FHOD1: variants seen among roughly 807,000 people sequenced by gnomAD.
FHOD1 encodes formin homology 2 domain containing 1, also known as FH1/FH2 domain-containing protein 1.
A neutral mutation model predicts 111.6 loss-of-function variants in FHOD1; 89 were observed. The observed-to-expected ratio is 0.80, with a 90% CI of 0.67 to 0.95. The LOEUF is 0.95. FHOD1 is among the 40% of genes least tolerant of loss of function. The pLI, the probability that FHOD1 is intolerant of heterozygous loss-of-function variation, is 0.00. For synonymous variants in FHOD1, 618 were observed against 639.0 expected (o/e 0.97, Z 0.50); for missense variants, 1,446 against 1,554.2 (o/e 0.93, Z 1.17).
Position 67,229,662 on chromosome 16 carries a change from T to G in FHOD1, c.3469A>C (p.Ser1157Arg), listed in dbSNP as rs750557765. The G allele has an allele frequency of 6.2e-7, 1 of 1,614,176 alleles. No homozygotes were observed. Among genetic ancestry groups the G allele is most frequent in the Admixed American group, 1.7e-5 (1 of 60,020 alleles). ...CACACCTCCAGGCCAGGACCCTTGC[T>G]TAGTCCCAGTGCCTGCACCAGGTCA... Reference protein sequence around the residue: ...GDDLVQALGLSKGPGLEV With the variant: ...GDDLVQALGLRKGPGLEV Residue 1157 changes from serine (S) to arginine (R), a missense_variant, in exon 22 of 22, where the codon AGC (serine) becomes CGC (arginine). By Grantham distance (110) the Ser-to-Arg change is moderately radical (BLOSUM62 -1). This residue lies in a region of FHOD1 where 1,085 missense variants were observed against 1,108.8 expected (regional missense o/e 0.98). Transcript: ENST00000258201.
At chr16:67,232,011 C>T (rs772608403) in intron 14 of FHOD1, 28 bp downstream of exon 14, 7 of 1,612,844 alleles carry the variant, frequency 4.3e-6, no homozygotes, top group Non-Finnish European at 5.1e-6. Context: ...CAGACCTCCC[C>T]CCAACACCCA....
intron 11 of FHOD1, among the ~76,000 whole-genome samples, chr16:67,236,238 G>T (rs1051412785): frequency 6.6e-6 from 1 of 152,222 alleles, no homozygotes; most frequent in African/African-American, 2.4e-5. Flanking sequence ...AGACTGACGT[G>T]GAGCAGGACA....
At chr16:67,230,872 G>T in intron 17 of FHOD1, 81 bp from the exon 18 acceptor site, 1 of 1,448,094 alleles carries the variant, frequency 6.9e-7, no homozygotes, top group Non-Finnish European at 9.3e-7. Context: ...CTGGGCCAGA[G>T]TGGCCAGCTT....
At chr16:67,232,529 A>G (rs1436042235) in intron 13 of FHOD1, among the ~76,000 whole-genome samples, 4 of 151,484 alleles carry the variant, frequency 2.6e-5, no homozygotes, top group African/African-American at 4.8e-5. Context: ...AAAAAAAAAA[A>G]AAAAAAAAAA....
rs1249638264 is a variant in FHOD1 at position 67,237,989 on chromosome 16, G to A, written c.642+45C>T. ...AGAACAGGAAACTGAGGCCCAGAGA[G>A]AAGCAACAGGCAAAGGGTATAAGGC... On this transcript the variant is annotated intron_variant, in intron 6 of 21. Coordinates refer to ENST00000258201, the MANE Select transcript of FHOD1 (RefSeq NM_013241.3). The surrounding 1 kb of genome is among the most constrained non-coding windows in gnomAD (Gnocchi z 5.6). 1 of 1,588,450 alleles carries A rather than the reference G, an allele frequency of 6.3e-7. No homozygotes were observed. The highest frequency in any genetic ancestry group is 1.7e-5 in the Admixed American group (1 of 59,808).
intron 1 of FHOD1, among the ~76,000 whole-genome samples, chr16:67,239,738 G>C (rs569449254): frequency 2.0e-5 from 3 of 152,288 alleles, no homozygotes; most frequent in Non-Finnish European, 2.9e-5. Flanking sequence ...CTGTGTGTAT[G>C]CTCCCTTTCG....
chr16:67,244,460 G>A (rs906421919), intron 1 of FHOD1, among the ~76,000 whole-genome samples: 2 of 152,134 alleles, frequency 1.3e-5, no homozygotes, highest in African/African-American at 4.8e-5. Flanking sequence ...ACACTGTCAA[G>A]CTCCCTTCCA....
In FHOD1 at chr16:67,238,267, C is replaced by A. The variant is rs2034564951; in HGVS notation, c.482G>T (p.Gly161Val). 6.2e-7 allele frequency: 1 copy of A among 1,614,158 alleles called. No homozygotes were observed. Among genetic ancestry groups the A allele is most frequent in the Non-Finnish European group, 8.5e-7 (1 of 1,180,022 alleles). ...ACCCACACGGATCAGGCAGCTCAGC[C>A]CCTCTGAATGCACAAATTCAGGCAC... ...DLVPEFVHSE[G>V]LSCLIRVGAA... The change falls in exon 5 of 22, where the codon GGG becomes GTG. Residue 161 changes from glycine to valine, a missense_variant. Gly to Val is a moderately radical substitution (Grantham distance 109). Coordinates refer to ENST00000258201, the MANE Select transcript of FHOD1 (RefSeq NM_013241.3). The surrounding 1 kb of genome is among the most constrained non-coding windows in gnomAD (Gnocchi z 4.2).
At position 67,230,183 on chromosome 16, in the gene FHOD1, AGGGGTT is replaced by A. The variant is rs1433993000; in HGVS notation, c.3091_3096del (p.Asn1031_Pro1032del). 4.3e-6 allele frequency: 7 copies of A among 1,613,866 alleles called. No individual in the cohort carries two copies. Among genetic ancestry groups the A allele is most frequent in the Non-Finnish European group, 5.9e-6 (7 of 1,179,918 alleles). On this transcript the variant is annotated inframe_deletion, in exon 20 of 22. Coordinates refer to ENST00000258201, the MANE Select transcript of FHOD1 (RefSeq NM_013241.3). ...CCGCTGCTCACTGCTACTGGGACAG[AGGGGTT>A]GCTGGGGGCTTCCCCAGCCACACCT...
rs187031352 is a variant in FHOD1, at chr16:67,229,473, C to G, written c.*163G>C. ...ACATGCATATGCATGCACACACACA[C>G]ATACACACACACTCACATGCATACA... On this transcript the variant is annotated 3_prime_UTR_variant, in exon 22 of 22. Transcript: ENST00000258201. 1.5e-6 allele frequency: 1 copy of G among 666,340 alleles called. No individual in the cohort carries two copies. Among genetic ancestry groups the G allele is most frequent in the Non-Finnish European group, 2.7e-6 (1 of 367,336 alleles). The allele number at this position is 666,340 out of a possible 1,614,324, so 41.3% of individuals were successfully genotyped here. A position where few individuals can be genotyped will look rare whatever the true frequency, so the allele number is the denominator to read the frequency against.
Position 67,236,984 on chromosome 16 carries a change from G to A in FHOD1, c.1124C>T (p.Ala375Val), listed in dbSNP as rs766471183. The part of the protein sequence containing the change: ...RRSLEGGGCP[A>V]RAPEPGPTGP... ...TACTTACCCAGGTTCCGGGGCACGC[G>A]CGGGGCAGCCCCCGCCTTCCAGAGA... Residue 375 changes from alanine (A) to valine (V), a missense_variant, in exon 10 of 22, where the codon GCG (alanine) becomes GTG (valine). Physicochemically the swap from Ala to Val is moderately conservative, Grantham distance 64. Around this residue, in one of 3 missense-constraint regions of FHOD1, gnomAD observed 1,085 missense variants for 1,108.8 expected, o/e 0.98. Transcript: ENST00000258201. The A allele has an allele frequency of 6.3e-7, 1 of 1,598,638 alleles. No homozygotes were observed. Among genetic ancestry groups the A allele is most frequent in the Non-Finnish European group, 8.5e-7 (1 of 1,173,510 alleles).
At chr16:67,235,590 G>A (rs1372768419) in intron 11 of FHOD1, among the ~76,000 whole-genome samples, 1 of 151,022 alleles carries the variant, frequency 6.6e-6, no homozygotes, top group East Asian at 1.9e-4. Context: ...AGTTTATGCT[G>A]AAATAATGGG....
chr16:67,233,541 T>C (rs1397277973), intron 13 of FHOD1, 116 bp downstream of exon 13: 5 of 1,393,210 alleles, frequency 3.6e-6, no homozygotes, highest in Non-Finnish European at 4.8e-6. Flanking sequence ...CCTACTCCTT[T>C]CTTTGCCTTG....
Position 67,234,457 on chromosome 16 carries a change from C to G in FHOD1, c.1335G>C (p.Glu445Asp). The change falls in exon 12 of 22, where the codon GAG (glutamate) becomes GAC (aspartate). Residue 445 changes from glutamate (E) to aspartate (D), a missense_variant. Physicochemically the swap from Glu to Asp is conservative, Grantham distance 45. Coordinates refer to ENST00000258201, the MANE Select transcript of FHOD1 (RefSeq NM_013241.3). Reference protein sequence around the residue: ...ERSIYKARFLENVAAAETEKQ... With the variant: ...ERSIYKARFLDNVAAAETEKQ... Reference sequence around the variant, plus strand: ...TCTCTGTTTCTGCTGCCGCCACATTCTCCAGGAACCGGGCTCTGAGGGAAG... The same window carrying G: ...TCTCTGTTTCTGCTGCCGCCACATTGTCCAGGAACCGGGCTCTGAGGGAAG... The G allele has an allele frequency of 6.3e-7, 1 of 1,595,566 alleles. No individual in the cohort carries two copies. The highest frequency in any genetic ancestry group is 1.3e-5 in the African/African-American group (1 of 74,582).
rs746174996 is a variant in FHOD1, at chr16:67,237,400, G to C, written c.850-18C>G. 13 of 1,613,600 alleles carry C rather than the reference G, an allele frequency of 8.1e-6. No homozygotes were observed. The highest frequency in any genetic ancestry group is 9.3e-6 in the Non-Finnish European group (11 of 1,179,612). ...GCCAGCGTCTGGAGGGCGGGGATAA[G>C]AAGGCAAGGCTGAGGTTGGTGGGGA... On this transcript the variant is annotated intron_variant, in intron 8 of 21. Coordinates refer to ENST00000258201, the MANE Select transcript of FHOD1 (RefSeq NM_013241.3). The surrounding 1 kb of genome is among the most constrained non-coding windows in gnomAD (Gnocchi z 5.6).
Position 67,236,680 on chromosome 16 carries a change from AG to A in FHOD1, c.1195del (p.Leu399CysfsTer2). 1 of 1,596,454 alleles carries A rather than the reference AG, an allele frequency of 6.3e-7. No homozygotes were observed. Among genetic ancestry groups the A allele is most frequent in the Non-Finnish European group, 8.5e-7 (1 of 1,172,012 alleles). On this transcript the variant is annotated frameshift_variant, in exon 11 of 22. Coordinates refer to ENST00000258201, the MANE Select transcript of FHOD1 (RefSeq NM_013241.3). LOFTEE classifies it high-confidence loss of function. ...AGGGCTGGAGGCGGGGCCTGTCAGC[AG>A]GGCGGGGCCGGTGGAAGAGGTGGGG... ...VGPTSSTGPALLTGPASSPVG... is the reference protein window; with the variant it reads ...VGPTSSTGPAXLTGPASSPVG...
At chr16:67,232,329 A>G (rs1293941281) in intron 13 of FHOD1, 135 bp from the exon 14 acceptor site, 23 of 741,340 alleles carry the variant, frequency 3.1e-5, no homozygotes, top group Non-Finnish European at 4.5e-5. Flanking sequence ...CATCCTGGCT[A>G]ACATGGTGAA....
rs750561534 is a variant in FHOD1, at chr16:67,231,701, A to G, written c.2321T>C (p.Ile774Thr). 4.0e-5 allele frequency: 65 copies of G among 1,614,040 alleles called. No individual in the cohort carries two copies. In the South Asian group the frequency reaches 4.7e-4, roughly 12 times the overall value. ...AENFLMTLAS[I>T]GGLAARLQLW... The stretch of plus-strand genomic sequence containing the variant: ...TTGTAGACGAGCAGCGAGGCCGCCA[A>G]TGGAGGCAAGAGTCATCAGGAAGTT... Residue 774 changes from isoleucine (I) to threonine (T), a missense_variant, in exon 15 of 22, where the codon ATT becomes ACT. By Grantham distance (89) the Ile-to-Thr change is moderately conservative. Around this residue, in one of 3 missense-constraint regions of FHOD1, gnomAD observed 1,085 missense variants for 1,108.8 expected, o/e 0.98. Transcript: ENST00000258201. This position sits in a 1 kb window ranked among gnomAD's most constrained non-coding sequence, Gnocchi z 4.3.
chr16:67,231,501 C>T lies in FHOD1; in HGVS notation c.2434G>A (p.Val812Ile), dbSNP rs1425585929. 1.2e-6 allele frequency: 2 copies of T among 1,614,136 alleles called. No homozygotes were observed. The highest frequency in any genetic ancestry group is 2.2e-5 in the East Asian group (1 of 44,886). ...FDLKVGMEQL[V>I]QNATFRCILA... Reference sequence around the variant, plus strand: ...ATGCAGCGGAAGGTGGCATTCTGTACCAGCTGTTCCATACCCACTTTCAGG... The same window carrying T: ...ATGCAGCGGAAGGTGGCATTCTGTATCAGCTGTTCCATACCCACTTTCAGG... Residue 812 changes from valine (V) to isoleucine (I), a missense_variant, in exon 16 of 22, where the codon GTA becomes ATA. Val to Ile is a conservative substitution (Grantham distance 29, BLOSUM62 3). Around this residue, in one of 3 missense-constraint regions of FHOD1, gnomAD observed 1,085 missense variants for 1,108.8 expected, o/e 0.98. Coordinates refer to ENST00000258201, the MANE Select transcript of FHOD1 (RefSeq NM_013241.3). The surrounding 1 kb of genome is among the most constrained non-coding windows in gnomAD (Gnocchi z 4.3).
Sources: allele counts gnomAD v4.1 joint callset (sites outside exome capture counted in the v4.1 genomes callset), GRCh38; gene constraint gnomAD v4.1.1; regional missense constraint gnomAD v4.1.1; non-coding constraint Gnocchi (gnomAD v3.1); transcripts MANE v1.5; gene names NCBI Gene and HGNC (gene_info 2026-07-23, HGNC 2026-07-21).